Variants in TBX5 observed in about 807,000 individuals in gnomAD.
The protein encoded by TBX5 is T-box transcription factor 5, also known as T-box transcription factor TBX5.
TBX5 carries 8 observed loss-of-function variants against 51.1 expected under a neutral mutation model. The observed-to-expected ratio is 0.16, with a 90% CI of 0.09 to 0.28. The LOEUF (loss-of-function observed/expected upper bound fraction) is 0.28. Ranked by LOEUF, TBX5 falls within the 10% of genes least tolerant of loss-of-function variation. The pLI is 1.00. For missense variants in TBX5, 589 were observed against 671.7 expected (o/e 0.88, Z 1.36); for synonymous variants, 302 against 266.4 (o/e 1.13, Z -1.30).
At chr12:114,397,681 C>T (rs1871510843) in intron 5 of TBX5, among the ~76,000 whole-genome samples, 1 of 152,188 alleles carries the variant, frequency 6.6e-6, no homozygotes, top group South Asian at 2.1e-4. Flanking sequence ...ATTCACCAGT[C>T]CCCTCTCTTG....
rs533747924 is a variant in TBX5, at chr12:114,394,460, T to C, written c.663+281A>G. On this transcript the variant is annotated intron_variant, in intron 6 of 8. Coordinates refer to ENST00000405440, the MANE Select transcript of TBX5 (RefSeq NM_181486.4). ...TTCATAAGGTCAGTGGGATGCCTTC[T>C]TGTGGTATTTGAGTGTGTGGCCCAT... Among the ~76,000 whole-genome samples, 21 of 152,356 alleles carry C rather than the reference T, an allele frequency of 1.4e-4. No individual in the cohort carries two copies. In the South Asian group the frequency reaches 3.9e-3, roughly 29 times the overall value.
upstream of TBX5, chr12:114,408,225 G>C: frequency 1.0e-6 from 1 of 985,130 alleles, no homozygotes; most frequent in Non-Finnish European, 1.2e-6. Context: ...GGTTCCGGAC[G>C]TCTTGGCCCC....
intron 8 of TBX5, 111 bp from the exon 9 acceptor site, chr12:114,356,217 G>C: frequency 2.0e-6 from 2 of 1,019,680 alleles, no homozygotes; most frequent in Admixed American, 1.8e-5. Flanking sequence ...GAGACTGTTA[G>C]CCCTAACCGC....
At chr12:114,363,099 G>A (rs1386915472) in intron 8 of TBX5, among the ~76,000 whole-genome samples, 1 of 152,204 alleles carries the variant, frequency 6.6e-6, no homozygotes, top group East Asian at 1.9e-4. Flanking sequence ...ACTGTTCTAG[G>A]TGCTTTCTGT....
chr12:114,389,516 A>C (rs1871028363), intron 6 of TBX5, among the ~76,000 whole-genome samples: 1 of 151,102 alleles, frequency 6.6e-6, no homozygotes, highest in Non-Finnish European at 1.5e-5. Flanking sequence ...GCACTTTGGG[A>C]GGCAGAGGCG....
At chr12:114,391,459 T>A (rs1391184275) in intron 6 of TBX5, among the ~76,000 whole-genome samples, 2 of 152,206 alleles carry the variant, frequency 1.3e-5, no homozygotes, top group Non-Finnish European at 2.9e-5. Flanking sequence ...CAATGGTCCA[T>A]CAATCATTAC....
intron 7 of TBX5, among the ~76,000 whole-genome samples, chr12:114,368,720 T>C (rs1004545813): frequency 6.6e-6 from 1 of 152,186 alleles, no homozygotes; most frequent in Non-Finnish European, 1.5e-5. Context: ...CCCCCTCAAG[T>C]GTGTGAACAT....
chr12:114,357,095 A>T (rs935925852), intron 8 of TBX5, among the ~76,000 whole-genome samples: 8 of 152,164 alleles, frequency 5.3e-5, no homozygotes, highest in African/African-American at 1.9e-4. Flanking sequence ...TTCTTTCCTG[A>T]TTCCTTATGT....
Position 114,366,279 on chromosome 12 carries a change from G to C in TBX5, c.868C>G (p.Gln290Glu). 1.2e-6 allele frequency: 2 copies of C among 1,614,130 alleles called. No individual in the cohort carries two copies. The highest frequency in any genetic ancestry group is 1.3e-5 in the African/African-American group (1 of 75,030). The change falls in exon 8 of 9, where the codon CAA becomes GAA. Residue 290 changes from glutamine (Q) to glutamate (E), a missense_variant. Gln to Glu is a conservative substitution (Grantham distance 29). This residue lies in a region of TBX5 where 348 missense variants were observed against 360.4 expected (regional missense o/e 0.97). Transcript: ENST00000405440. ...GAAACACCATTCTCACACTGGTATTGGGACCCCAAATTGGATGAGGTGGAG... is the reference window on the plus strand; with the variant it reads ...GAAACACCATTCTCACACTGGTATTCGGACCCCAAATTGGATGAGGTGGAG... ...ALSTSSNLGS[Q>E]YQCENGVSGP...
chr12:114,396,502 G>T (rs560699587), intron 5 of TBX5, among the ~76,000 whole-genome samples: 148 of 152,246 alleles, frequency 9.7e-4, no homozygotes, highest in African/African-American at 3.3e-3. Context: ...GAGCAGCTCC[G>T]AGCCCCTCTC....
chr12:114,398,676 T>A lies in TBX5; in HGVS notation c.407A>T (p.Tyr136Phe). 1 of 1,612,678 alleles carries A rather than the reference T, an allele frequency of 6.2e-7. No individual in the cohort carries two copies. Among genetic ancestry groups the A allele is most frequent in the South Asian group, 1.1e-5 (1 of 90,570 alleles). ...GGTGGCGGGGGAGTCTGGGTGCACG[T>A]ACAGGCGGCCAGGCATGGCGGGCTC... Reference protein sequence around the residue: ...KAEPAMPGRLYVHPDSPATGA... With the variant: ...KAEPAMPGRLFVHPDSPATGA... The change falls in exon 5 of 9, where the codon TAC becomes TTC. Residue 136 changes from tyrosine to phenylalanine, a missense_variant. This residue lies in a region of TBX5 where 85 missense variants were observed against 95.6 expected (regional missense o/e 0.89). Transcript: ENST00000405440.
In TBX5 at chr12:114,398,710, C is replaced by G. The variant is rs863223773; in HGVS notation, c.373G>C (p.Gly125Arg). 1 of 1,600,746 alleles carries G rather than the reference C, an allele frequency of 6.2e-7. No individual in the cohort carries two copies. The highest frequency in any genetic ancestry group is 8.5e-7 in the Non-Finnish European group (1 of 1,173,908). Residue 125 changes from glycine to arginine, a missense_variant, in exon 5 of 9, where the codon GGC becomes CGC. Gly to Arg is a moderately radical substitution (Grantham distance 125). Around this residue, in one of 7 missense-constraint regions of TBX5, gnomAD observed 85 missense variants for 95.6 expected, o/e 0.89. Coordinates refer to ENST00000405440, the MANE Select transcript of TBX5 (RefSeq NM_181486.4). ...CCAGGCATGGCGGGCTCAGCTTTGC[C>G]CGTCACAGACCTAGATGAAGGAGAG... The part of the protein sequence containing the change: ...KFADNKWSVT[G>R]KAEPAMPGRL...
At chr12:114,365,280 T>C (rs1869457967) in intron 8 of TBX5, among the ~76,000 whole-genome samples, 1 of 151,356 alleles carries the variant, frequency 6.6e-6, no homozygotes, top group Admixed American at 6.6e-5. Flanking sequence ...GCATTGATAG[T>C]CACAAGGGGT....
At chr12:114,380,850 T>TAAA (rs5801052) in intron 7 of TBX5, among the ~76,000 whole-genome samples, 24,078 of 150,412 alleles carry the variant, frequency 0.16, 2,002 homozygotes, top group African/African-American at 0.2. Flanking sequence ...TAGTTTTTAT[T>TAAA]AAAAAAAAAA....
chr12:114,369,748 G>T (rs1385930183), intron 7 of TBX5, among the ~76,000 whole-genome samples: 1 of 152,136 alleles, frequency 6.6e-6, no homozygotes, highest in Admixed American at 6.5e-5. Context: ...GAATTAAAGT[G>T]AAAGTTGAAA....
At chr12:114,402,174 C>G (rs1451005396) in intron 2 of TBX5, among the ~76,000 whole-genome samples, 2 of 152,176 alleles carry the variant, frequency 1.3e-5, no homozygotes, top group African/African-American at 2.4e-5. Flanking sequence ...TTGTCTGCTT[C>G]TAATGCCATC....
chr12:114,407,093 G>GCC (rs1593890743), upstream of TBX5: 37 of 985,268 alleles, frequency 3.8e-5, no homozygotes, highest in Non-Finnish European at 4.2e-5. Flanking sequence ...GAGGAGAAAT[G>GCC]CCCCGAGGTC....
In TBX5 at chr12:114,366,152, T is replaced by C. The variant is rs762836528; in HGVS notation, c.982+13A>G. 1.2e-6 allele frequency: 2 copies of C among 1,613,636 alleles called. No homozygotes were observed. The highest frequency in any genetic ancestry group is 1.7e-6 in the Non-Finnish European group (2 of 1,179,572). On this transcript the variant is annotated intron_variant, in intron 8 of 8. Transcript: ENST00000405440. Reference sequence around the variant, plus strand: ...AGAAAGAAAGCAAATTGACCAGGGGTGATCACACTCACCTTTCCTCTTGGT... The same window carrying C: ...AGAAAGAAAGCAAATTGACCAGGGGCGATCACACTCACCTTTCCTCTTGGT...
At chr12:114,358,777 T>TTTTTTTTGTTTG (rs113855505) in intron 8 of TBX5, among the ~76,000 whole-genome samples, 1 of 150,584 alleles carries the variant, frequency 6.6e-6, no homozygotes, top group African/African-American at 2.5e-5. Context: ...GCGGGGTTTT[T>TTTTTTTTGTTTG]TTTGTTTGTT....
Sources: allele counts gnomAD v4.1 joint callset (sites outside exome capture counted in the v4.1 genomes callset), GRCh38; gene constraint gnomAD v4.1.1; regional missense constraint gnomAD v4.1.1; transcripts MANE v1.5; gene names NCBI Gene and HGNC (gene_info 2026-07-23, HGNC 2026-07-21).